Variants in MBOAT1 observed in about 807,000 individuals in gnomAD.
The protein encoded by MBOAT1 is membrane bound glycerophospholipid O-acyltransferase 1.
A neutral mutation model predicts 64.4 loss-of-function variants in MBOAT1; 67 were observed. The observed-to-expected ratio is 1.04, with a 90% CI of 0.85 to 1.27. The LOEUF is 1.27. MBOAT1 is among the 50% of genes most tolerant of loss of function. The pLI, the probability that MBOAT1 is intolerant of heterozygous loss-of-function variation, is 0.00. For synonymous variants in MBOAT1, 229 were observed against 218.9 expected (o/e 1.05, Z -0.41); for missense variants, 563 against 604.6 (o/e 0.93, Z 0.72).
intron 10 of MBOAT1, 132 bp downstream of exon 10, chr6:20,115,156 G>A (rs2113636949): frequency 1.4e-6 from 1 of 714,434 alleles, no homozygotes; most frequent in African/African-American, 1.8e-5. Flanking sequence ...TCATTTACAG[G>A]GCACAGATGT....
intron 1 of MBOAT1, among the ~76,000 whole-genome samples, chr6:20,182,853 T>C (rs1437442416): frequency 6.6e-6 from 1 of 152,186 alleles, no homozygotes; most frequent in African/African-American, 2.4e-5. Context: ...CTGTGTGTGT[T>C]TTCCGATTGA....
At chr6:20,131,477 A>T (rs1039562336) in intron 4 of MBOAT1, among the ~76,000 whole-genome samples, 3 of 152,140 alleles carry the variant, frequency 2.0e-5, no homozygotes, top group African/African-American at 7.2e-5. Flanking sequence ...GAAGAAAGCC[A>T]TGTTTGCTTC....
At chr6:20,173,992 T>C (rs1762272820) in intron 1 of MBOAT1, among the ~76,000 whole-genome samples, 1 of 151,858 alleles carries the variant, frequency 6.6e-6, no homozygotes, top group African/African-American at 2.4e-5. Context: ...ATGTAGGGGA[T>C]GGGAAGTAAG....
At chr6:20,110,273 T>C (rs1426201576) in intron 11 of MBOAT1, among the ~76,000 whole-genome samples, 1 of 149,536 alleles carries the variant, frequency 6.7e-6, no homozygotes, top group African/African-American at 2.5e-5. Flanking sequence ...AGTGCAACGA[T>C]GCAATCATAG....
chr6:20,122,165 C>CA (rs1760511116), intron 8 of MBOAT1, among the ~76,000 whole-genome samples: 1 of 151,822 alleles, frequency 6.6e-6, no homozygotes, highest in Non-Finnish European at 1.5e-5. Flanking sequence ...AACTCCATCT[C>CA]AAAAAAATAT....
chr6:20,161,824 T>C (rs999854626), intron 1 of MBOAT1, among the ~76,000 whole-genome samples: 5 of 152,178 alleles, frequency 3.3e-5, no homozygotes, highest in Admixed American at 6.5e-5. Context: ...GAGAACTTAG[T>C]AGTGGCCTGT....
Position 20,109,668 on chromosome 6 carries a change from G to T in MBOAT1, c.1291C>A (p.Gln431Lys), listed in dbSNP as rs200183074. ...GCTACCGTGTAAGAGACAGCCAGCT[G>T]AGTGACGGCCCAGGTGCCTGCATCA... ...VYDAGTWAVT[Q>K]LAVSYTVAPF... Residue 431 changes from glutamine (Q) to lysine (K), a missense_variant, in exon 12 of 13, where the codon CAG becomes AAG. Gln to Lys is a moderately conservative substitution (Grantham distance 53). Coordinates refer to ENST00000324607, the MANE Select transcript of MBOAT1 (RefSeq NM_001080480.3). The T allele has an allele frequency of 6.2e-7, 1 of 1,614,190 alleles. No individual in the cohort carries two copies. The highest frequency in any genetic ancestry group is 1.1e-5 in the South Asian group (1 of 91,084).
chr6:20,150,538 T>G (rs1391979976), intron 3 of MBOAT1, among the ~76,000 whole-genome samples: 1 of 151,636 alleles, frequency 6.6e-6, no homozygotes, highest in Non-Finnish European at 1.5e-5. Flanking sequence ...ATACCGATCT[T>G]TCATTATTTT....
intron 1 of MBOAT1, among the ~76,000 whole-genome samples, chr6:20,182,020 G>A (rs1762524474): frequency 1.3e-5 from 2 of 152,112 alleles, no homozygotes; most frequent in South Asian, 4.1e-4. Context: ...TAGACGCCTG[G>A]GTTACCCTGG....
intron 1 of MBOAT1, among the ~76,000 whole-genome samples, chr6:20,191,833 A>T (rs977146420): frequency 6.6e-6 from 1 of 152,200 alleles, no homozygotes; most frequent in Non-Finnish European, 1.5e-5. Context: ...TTATAGTACT[A>T]ATAAAGTACT....
At chr6:20,146,365 C>T (rs1339752396) in intron 3 of MBOAT1, among the ~76,000 whole-genome samples, 1 of 152,202 alleles carries the variant, frequency 6.6e-6, no homozygotes, top group Non-Finnish European at 1.5e-5. Context: ...CTCTAAATCA[C>T]TGTGTAACTT....
At chr6:20,178,313 C>A (rs1026580065) in intron 1 of MBOAT1, among the ~76,000 whole-genome samples, 2 of 152,054 alleles carry the variant, frequency 1.3e-5, no homozygotes, top group African/African-American at 2.4e-5. Flanking sequence ...ACTAGTTAGT[C>A]CCCAGGGATA....
At chr6:20,126,451 A>T in intron 7 of MBOAT1, 66 bp downstream of exon 7, 1 of 1,354,994 alleles carries the variant, frequency 7.4e-7, no homozygotes. Context: ...CTTCTTAATT[A>T]GAACCATTAT....
At position 20,105,964 on chromosome 6, in the gene MBOAT1, G is replaced by C. The variant is rs536429969; in HGVS notation, c.1362-3552C>G. On this transcript the variant is annotated intron_variant, in intron 12 of 12. Coordinates refer to ENST00000324607, the MANE Select transcript of MBOAT1 (RefSeq NM_001080480.3). ...TTACAACTTAAAGAAGTTAGACTGAGCACTCTAAGGCTGAGATCTGAAGCC... is the reference window on the plus strand; with the variant it reads ...TTACAACTTAAAGAAGTTAGACTGACCACTCTAAGGCTGAGATCTGAAGCC... 2.8e-4 allele frequency among the ~76,000 whole-genome samples: 43 copies of C among 152,332 alleles called. 1 individual carries two copies. The highest frequency in any genetic ancestry group is 2.8e-3 in the Admixed American group (43 of 15,310).
chr6:20,103,000 T>C (rs1759846233), intron 12 of MBOAT1, among the ~76,000 whole-genome samples: 1 of 152,250 alleles, frequency 6.6e-6, no homozygotes, highest in African/African-American at 2.4e-5. Flanking sequence ...CAATACATAG[T>C]ACTTGATAAT....
At chr6:20,102,600 T>G (rs545462012) in intron 12 of MBOAT1, among the ~76,000 whole-genome samples, 188 bp from the exon 13 acceptor site, 5 of 152,228 alleles carry the variant, frequency 3.3e-5, no homozygotes, top group Admixed American at 6.5e-5. Flanking sequence ...GGGTCACAGA[T>G]AGACTGAAAC....
chr6:20,179,902 G>C (rs144950181), intron 1 of MBOAT1, among the ~76,000 whole-genome samples: 2 of 143,538 alleles, frequency 1.4e-5, no homozygotes, highest in African/African-American at 5.3e-5. Flanking sequence ...TGCATTTCTC[G>C]AAAGATCAGT....
At chr6:20,157,549 C>A (rs1240559461) in intron 1 of MBOAT1, among the ~76,000 whole-genome samples, 1 of 152,090 alleles carries the variant, frequency 6.6e-6, no homozygotes, top group East Asian at 1.9e-4. Flanking sequence ...CCCACACATT[C>A]CCTGCACTAC....
chr6:20,146,220 T>C (rs1031534662), intron 3 of MBOAT1, among the ~76,000 whole-genome samples: 2 of 152,152 alleles, frequency 1.3e-5, no homozygotes, highest in African/African-American at 4.8e-5. Context: ...TTAAATTATA[T>C]TGAAATCACA....
Sources: gnomAD v4.1 joint callset for allele counts (sites outside exome capture counted in the v4.1 genomes callset) on GRCh38, gnomAD v4.1.1 for gene constraint, MANE v1.5 for transcripts, NCBI Gene and HGNC (gene_info 2026-07-23, HGNC 2026-07-21) for gene names.